AMER2: variants seen among roughly 807,000 people sequenced by gnomAD.
AMER2 encodes APC membrane recruitment protein 2.
AMER2 carries 1 observed loss-of-function variant against 4.7 expected under a neutral mutation model. The observed-to-expected ratio is 0.21, with a 90% CI of 0.07 to 1.00. The LOEUF is 1.00. AMER2 is among the 50% of genes least tolerant of loss of function. The probability of loss-of-function intolerance (pLI) is 0.60; values close to 1 mark genes in which losing one functional copy is unlikely to be tolerated. For missense variants in AMER2, 988 were observed against 966.9 expected (o/e 1.02, Z -0.29); for synonymous variants, 485 against 433.3 (o/e 1.12, Z -1.48).
At position 25,164,282 on chromosome 13, in the gene AMER2, G is replaced by A. The variant is rs1413666199; in HGVS notation, c.*5322C>T. 1 of 152,000 alleles carries A rather than the reference G, an allele frequency of 6.6e-6. No homozygotes were observed. The highest frequency in any genetic ancestry group is 1.5e-5 in the Non-Finnish European group (1 of 68,032). 9.4% of individuals were successfully genotyped at this position (152,000 alleles called of 1,614,324 possible). Reference sequence around the variant, plus strand: ...TGAATGATACCCTGTCAGGGAAGAAGTATCGCCATGACAACAGAAGAGATT... The same window carrying A: ...TGAATGATACCCTGTCAGGGAAGAAATATCGCCATGACAACAGAAGAGATT... On this transcript the variant is annotated 3_prime_UTR_variant, in exon 1 of 1. Coordinates refer to ENST00000515384, the MANE Select transcript of AMER2 (RefSeq NM_152704.4).
At position 25,171,615 on chromosome 13, in the gene AMER2, T is replaced by C; in HGVS notation, c.5A>G (p.Glu2Gly). M[E>G]TSRSRGGGGA... The stretch of plus-strand genomic sequence containing the variant: ...GCCGCCGCCGCGGCTCCGGCTCGTC[T>C]CCATGGAAACCGCGCGGGATAAGCC... The change falls in exon 1 of 1, where the codon GAG becomes GGG. Residue 2 changes from glutamate (E) to glycine (G), a missense_variant. Physicochemically the swap from Glu to Gly is moderately conservative, Grantham distance 98. Transcript: ENST00000515384. This position sits in a 1 kb window ranked among gnomAD's most constrained non-coding sequence, Gnocchi z 5.9. The C allele has an allele frequency of 1.3e-6, 2 of 1,484,856 alleles. No individual in the cohort carries two copies. The highest frequency in any genetic ancestry group is 1.8e-6 in the Non-Finnish European group (2 of 1,131,656). The allele number at this position is 1,484,856 out of a possible 1,614,324, so 92.0% of individuals were successfully genotyped here.
Position 25,169,976 on chromosome 13 carries a change from A to G in AMER2, c.1644T>C (p.Asp548=), listed in dbSNP as rs753356055. 1.9e-6 allele frequency: 3 copies of G among 1,614,032 alleles called. No homozygotes were observed. Among genetic ancestry groups the G allele is most frequent in the African/African-American group, 2.7e-5 (2 of 75,040 alleles). Residue 548 remains aspartate (D), a synonymous_variant, in exon 1 of 1, where the codon GAT becomes GAC. Coordinates refer to ENST00000515384, the MANE Select transcript of AMER2 (RefSeq NM_152704.4). The surrounding 1 kb of genome is among the most constrained non-coding windows in gnomAD (Gnocchi z 4.2). ...CATAGAGCGCGTCCCCGCTGTAGCT[A>G]TCCCGGGGGATGCCCGCCTTCTTCC... ...SSGKKAGIPR[D]SYSGDALYDL... is the part of the protein sequence containing the mutation.
rs1956495177 is a variant in AMER2, at chr13:25,167,611, T to C, written c.*1993A>G. Reference sequence around the variant, plus strand: ...CTATGACTGCATATAGGGCCTCATTTACACACATAAAGAAATTAAATATTA... The same window carrying C: ...CTATGACTGCATATAGGGCCTCATTCACACACATAAAGAAATTAAATATTA... On this transcript the variant is annotated 3_prime_UTR_variant, in exon 1 of 1. Coordinates refer to ENST00000515384, the MANE Select transcript of AMER2 (RefSeq NM_152704.4). 1 of 152,176 alleles carries C rather than the reference T, an allele frequency of 6.6e-6. No individual in the cohort carries two copies. Among genetic ancestry groups the C allele is most frequent in the Non-Finnish European group, 1.5e-5 (1 of 67,996 alleles). The allele number at this position is 152,176 out of a possible 1,614,324, so 9.4% of individuals were successfully genotyped here. A position where few individuals can be genotyped will look rare whatever the true frequency, so the allele number is the denominator to read the frequency against.
In AMER2 at chr13:25,169,931, G is replaced by A. The variant is rs1288688837; in HGVS notation, c.1689C>T (p.Asp563=). The A allele has an allele frequency of 3.7e-6, 6 of 1,613,984 alleles. No individual in the cohort carries two copies. In the African/African-American group the frequency reaches 4.0e-5, roughly 11 times the overall value. ...CTCCAGGAAGGGTTGCTGGACTTCC[G>A]TCCGGGTCAGCATAGAGATCATAGA... ...DALYDLYADP[D]GSPATLPGGK... is the part of the protein sequence containing the mutation. Residue 563 remains aspartate (D), a synonymous_variant, in exon 1 of 1, where the codon GAC becomes GAT. Coordinates refer to ENST00000515384, the MANE Select transcript of AMER2 (RefSeq NM_152704.4). This position sits in a 1 kb window ranked among gnomAD's most constrained non-coding sequence, Gnocchi z 4.2.
rs1422403161 is a variant in AMER2, at chr13:25,168,590, A to G, written c.*1014T>C. ...TCAGAATCGCTTCCCATTACAGTACATAACAGAACATCAATGGTTTGGGGA... is the reference window on the plus strand; with the variant it reads ...TCAGAATCGCTTCCCATTACAGTACGTAACAGAACATCAATGGTTTGGGGA... On this transcript the variant is annotated 3_prime_UTR_variant, in exon 1 of 1. Coordinates refer to ENST00000515384, the MANE Select transcript of AMER2 (RefSeq NM_152704.4). 3 of 152,114 alleles carry G rather than the reference A, an allele frequency of 2.0e-5. No homozygotes were observed. The highest frequency in any genetic ancestry group is 3.9e-4 in the East Asian group (2 of 5,190). The allele number at this position is 152,114 out of a possible 1,614,324, so 9.4% of individuals were successfully genotyped here. A position where few individuals can be genotyped will look rare whatever the true frequency, so the allele number is the denominator to read the frequency against.
rs1956489915 is a variant in AMER2 at position 25,167,204 on chromosome 13, GT to G, written c.*2399del. On this transcript the variant is annotated 3_prime_UTR_variant, in exon 1 of 1. Transcript: ENST00000515384. The stretch of plus-strand genomic sequence containing the variant: ...CTTTACTATTACAATATTCTCATAA[GT>G]TTTTCAGGTATTCTTAACTTTCCTG... 2.0e-5 allele frequency: 3 copies of G among 152,138 alleles called. No homozygotes were observed. Among genetic ancestry groups the G allele is most frequent in the Admixed American group, 2.0e-4 (3 of 15,264 alleles). 9.4% of individuals were successfully genotyped at this position (152,138 alleles called of 1,614,324 possible). A position where few individuals can be genotyped will look rare whatever the true frequency, so the allele number is the denominator to read the frequency against.
Position 25,168,172 on chromosome 13 carries a change from A to C in AMER2, c.*1432T>G, listed in dbSNP as rs1956500928. On this transcript the variant is annotated 3_prime_UTR_variant, in exon 1 of 1. Coordinates refer to ENST00000515384, the MANE Select transcript of AMER2 (RefSeq NM_152704.4). ...CTAGGCATATAATAACCCTTTCTGA[A>C]ATAAATGTTTCATCTGAAATATTAG... 1 of 152,206 alleles carries C rather than the reference A, an allele frequency of 6.6e-6. No homozygotes were observed. Among genetic ancestry groups the C allele is most frequent in the African/African-American group, 2.4e-5 (1 of 41,456 alleles). 9.4% of individuals were successfully genotyped at this position (152,206 alleles called of 1,614,324 possible).
chr13:25,171,489 TC>T lies in AMER2; in HGVS notation c.130del (p.Asp44ThrfsTer58). On this transcript the variant is annotated frameshift_variant, in exon 1 of 1. Transcript: ENST00000515384. LOFTEE classifies it low-confidence loss of function (END_TRUNC). This position sits in a 1 kb window ranked among gnomAD's most constrained non-coding sequence, Gnocchi z 5.9. ...TTCGGCGGCACAGTCACAATGCAAG[TC>T]CATGTCTGCCGCGAGGGTCCCGGTC... ...AGTGTLAADM[D>X]LHCDCAAETP... The T allele has an allele frequency of 6.2e-7, 1 of 1,608,232 alleles. No individual in the cohort carries two copies. Among genetic ancestry groups the T allele is most frequent in the Non-Finnish European group, 8.5e-7 (1 of 1,178,662 alleles).
chr13:25,169,808 C>T lies in AMER2; in HGVS notation c.1812G>A (p.Lys604=), dbSNP rs1384719329. ...CPLRTPGSLL[K]DSKIPISIKH... Reference sequence around the variant, plus strand: ...TGATGCTAATAGGGATCTTAGAGTCCTTCAGCAAGCTGCCTGGTGTTCGCA... The same window carrying T: ...TGATGCTAATAGGGATCTTAGAGTCTTTCAGCAAGCTGCCTGGTGTTCGCA... The change falls in exon 1 of 1, where the codon AAG becomes AAA. Residue 604 remains lysine, a synonymous_variant. Transcript: ENST00000515384. The surrounding 1 kb of genome is among the most constrained non-coding windows in gnomAD (Gnocchi z 4.2). The T allele has an allele frequency of 2.5e-6, 4 of 1,613,964 alleles. No individual in the cohort carries two copies. In the East Asian group the frequency reaches 8.9e-5, roughly 36 times the overall value.
rs1016872095 is a variant in AMER2, at chr13:25,170,378, G to T, written c.1242C>A (p.Gly414=). The T allele has an allele frequency of 6.2e-7, 1 of 1,613,932 alleles. No individual in the cohort carries two copies. Among genetic ancestry groups the T allele is most frequent in the Non-Finnish European group, 8.5e-7 (1 of 1,179,982 alleles). ...CCCCGCCTCCTTGGTAGGCCACCAC[G>T]CCGGGGTTCTTTTTAGACAGAGCCG... ...GKPALSKKNP[G]VVAYQGGGEE... Residue 414 remains glycine (G), a synonymous_variant, in exon 1 of 1, where the codon GGC becomes GGA. Coordinates refer to ENST00000515384, the MANE Select transcript of AMER2 (RefSeq NM_152704.4). The surrounding 1 kb of genome is among the most constrained non-coding windows in gnomAD (Gnocchi z 7.3).
At position 25,163,586 on chromosome 13, in the gene AMER2, CAGA is replaced by C. The variant is rs1347523415; in HGVS notation, c.*6015_*6017del. On this transcript the variant is annotated 3_prime_UTR_variant, in exon 1 of 1. Transcript: ENST00000515384. ...TATGCTCAATGAAATAAGCCAGTCA[CAGA>C]AGGACAAATACTGCGCGTTTCCACT... The C allele has an allele frequency of 6.6e-6, 1 of 151,514 alleles. No individual in the cohort carries two copies. The highest frequency in any genetic ancestry group is 2.4e-5 in the African/African-American group (1 of 41,184). The allele number at this position is 151,514 out of a possible 1,614,324, so 9.4% of individuals were successfully genotyped here.
rs1252139966 is a variant in AMER2, at chr13:25,168,518, T to C, written c.*1086A>G. ...CCATTCCTCTGGGACACCAGCACAA[T>C]AGATTTTTTTTTTTTTTGAGAACCA... On this transcript the variant is annotated 3_prime_UTR_variant, in exon 1 of 1. Transcript: ENST00000515384. 6.7e-6 allele frequency: 1 copy of C among 148,646 alleles called. No homozygotes were observed. Among genetic ancestry groups the C allele is most frequent in the African/African-American group, 2.5e-5 (1 of 40,018 alleles). The allele number at this position is 148,646 out of a possible 1,614,324, so 9.2% of individuals were successfully genotyped here. A position where few individuals can be genotyped will look rare whatever the true frequency, so the allele number is the denominator to read the frequency against.
At position 25,169,370 on chromosome 13, in the gene AMER2, A is replaced by G; in HGVS notation, c.*234T>C. The G allele has an allele frequency of 2.3e-6, 1 of 433,962 alleles. No individual in the cohort carries two copies. The highest frequency in any genetic ancestry group is 3.9e-6 in the Non-Finnish European group (1 of 254,212). The allele number at this position is 433,962 out of a possible 1,614,324, so 26.9% of individuals were successfully genotyped here. On this transcript the variant is annotated 3_prime_UTR_variant, in exon 1 of 1. Transcript: ENST00000515384. This position sits in a 1 kb window ranked among gnomAD's most constrained non-coding sequence, Gnocchi z 4.2. ...AAAAAGAAAAAAGTGCTTGAAAATAATTCTCAGGGACTTATCTTGAGAGGA... is the reference window on the plus strand; with the variant it reads ...AAAAAGAAAAAAGTGCTTGAAAATAGTTCTCAGGGACTTATCTTGAGAGGA...
At position 25,171,590 on chromosome 13, in the gene AMER2, G is replaced by C; in HGVS notation, c.30C>G (p.Gly10=). 2.7e-6 allele frequency: 4 copies of C among 1,485,966 alleles called. No homozygotes were observed. Among genetic ancestry groups the C allele is most frequent in the East Asian group, 2.5e-5 (1 of 39,266 alleles). The allele number at this position is 1,485,966 out of a possible 1,614,324, so 92.0% of individuals were successfully genotyped here. METSRSRGG[G]GAVSERGGAG... Reference sequence around the variant, plus strand: ...CTCCGCCGCGCTCGCTGACAGCCCCGCCGCCGCCGCGGCTCCGGCTCGTCT... The same window carrying C: ...CTCCGCCGCGCTCGCTGACAGCCCCCCCGCCGCCGCGGCTCCGGCTCGTCT... The change falls in exon 1 of 1, where the codon GGC becomes GGG. Residue 10 remains glycine (G), a synonymous_variant. Transcript: ENST00000515384. The surrounding 1 kb of genome is among the most constrained non-coding windows in gnomAD (Gnocchi z 5.9).
chr13:25,171,140 C>A lies in AMER2; in HGVS notation c.480G>T (p.Ser160=), dbSNP rs1275284983. 6.5e-7 allele frequency: 1 copy of A among 1,549,740 alleles called. No homozygotes were observed. Among genetic ancestry groups the A allele is most frequent in the Admixed American group, 1.9e-5 (1 of 52,450 alleles). ...TCTTCAGCAGCGAGAAGAAGCTGTG[C>A]GACTTGGCCACCGAGCTGCTGGCGA... ...GSLASSSVAK[S]HSFFSLLKKN... is the part of the protein sequence containing the mutation. The change falls in exon 1 of 1, where the codon TCG becomes TCT. Residue 160 remains serine, a synonymous_variant. Transcript: ENST00000515384. The surrounding 1 kb of genome is among the most constrained non-coding windows in gnomAD (Gnocchi z 5.9).
At position 25,170,771 on chromosome 13, in the gene AMER2, C is replaced by T; in HGVS notation, c.849G>A (p.Glu283=). ...ADRAPARSCR[E]AEGLAHPGDT... is the part of the protein sequence containing the mutation. Reference sequence around the variant, plus strand: ...CGCCGGGGTGCGCGAGGCCCTCTGCCTCTCGGCAGCTCCGCGCTGGGGCGC... The same window carrying T: ...CGCCGGGGTGCGCGAGGCCCTCTGCTTCTCGGCAGCTCCGCGCTGGGGCGC... Residue 283 remains glutamate, a synonymous_variant, in exon 1 of 1, where the codon GAG becomes GAA. Coordinates refer to ENST00000515384, the MANE Select transcript of AMER2 (RefSeq NM_152704.4). The surrounding 1 kb of genome is among the most constrained non-coding windows in gnomAD (Gnocchi z 7.3). 1 of 1,368,302 alleles carries T rather than the reference C, an allele frequency of 7.3e-7. No homozygotes were observed. Among genetic ancestry groups the T allele is most frequent in the Non-Finnish European group, 9.3e-7 (1 of 1,069,556 alleles). The allele number at this position is 1,368,302 out of a possible 1,614,324, so 84.8% of individuals were successfully genotyped here.
At position 25,169,972 on chromosome 13, in the gene AMER2, A is replaced by T; in HGVS notation, c.1648T>A (p.Tyr550Asn). The change falls in exon 1 of 1, where the codon TAC (tyrosine) becomes AAC (asparagine). Residue 550 changes from tyrosine to asparagine, a missense_variant. Physicochemically the swap from Tyr to Asn is moderately radical, Grantham distance 143. Transcript: ENST00000515384. This position sits in a 1 kb window ranked among gnomAD's most constrained non-coding sequence, Gnocchi z 4.2. The part of the protein sequence containing the change: ...GKKAGIPRDS[Y>N]SGDALYDLYA... ...AGATCATAGAGCGCGTCCCCGCTGT[A>T]GCTATCCCGGGGGATGCCCGCCTTC... 1.9e-6 allele frequency: 3 copies of T among 1,614,078 alleles called. No individual in the cohort carries two copies. The highest frequency in any genetic ancestry group is 2.5e-6 in the Non-Finnish European group (3 of 1,179,994).
chr13:25,165,466 A>G lies in AMER2; in HGVS notation c.*4138T>C, dbSNP rs1476248617. On this transcript the variant is annotated 3_prime_UTR_variant, in exon 1 of 1. Coordinates refer to ENST00000515384, the MANE Select transcript of AMER2 (RefSeq NM_152704.4). ...TACCCCTTTGGTTCCAAACTGCTTC[A>G]TAAATATTTTTGTGTGTAATGAATT... is the stretch of plus-strand genomic sequence containing the variant. The G allele has an allele frequency of 6.6e-6, 1 of 152,254 alleles. No individual in the cohort carries two copies. The allele number at this position is 152,254 out of a possible 1,614,324, so 9.4% of individuals were successfully genotyped here.
chr13:25,170,007 C>T lies in AMER2; in HGVS notation c.1613G>A (p.Ser538Asn), dbSNP rs1956533324. The change falls in exon 1 of 1, where the codon AGC becomes AAC. Residue 538 changes from serine to asparagine, a missense_variant. Coordinates refer to ENST00000515384, the MANE Select transcript of AMER2 (RefSeq NM_152704.4). This position sits in a 1 kb window ranked among gnomAD's most constrained non-coding sequence, Gnocchi z 7.3. ...TTPGPEEDSS[S>N]SGKKAGIPRD... is the part of the protein sequence containing the mutation. Reference sequence around the variant, plus strand: ...GGGGATGCCCGCCTTCTTCCCGCTGCTCGAGCTGTCTTCCTCTGGGCCTGG... The same window carrying T: ...GGGGATGCCCGCCTTCTTCCCGCTGTTCGAGCTGTCTTCCTCTGGGCCTGG... 1.2e-6 allele frequency: 2 copies of T among 1,613,722 alleles called. No homozygotes were observed. The highest frequency in any genetic ancestry group is 1.7e-5 in the Admixed American group (1 of 59,990).
Sources: gnomAD v4.1 joint callset for allele counts on GRCh38, gnomAD v4.1.1 for gene constraint, Gnocchi (gnomAD v3.1) non-coding constraint, MANE v1.5 for transcripts, NCBI Gene and HGNC (gene_info 2026-07-23, HGNC 2026-07-21) for gene names.